The following LUZP2 variants were observed in gnomAD, a reference collection of about 807,000 sequenced individuals.
LUZP2 encodes the protein leucine zipper protein 2.
In LUZP2, 52 loss-of-function variants were observed where a neutral mutation model predicts 51.6. The observed-to-expected ratio is 1.01, with a 90% CI of 0.81 to 1.27. LUZP2 has a LOEUF of 1.27. Ranked by LOEUF, LUZP2 falls within the 50% of genes most tolerant of loss-of-function variation. The pLI is 0.00. For synonymous variants in LUZP2, 154 were observed against 137.3 expected, an observed-to-expected ratio of 1.12 and a Z score of -0.85; for missense variants, 436 against 395.4, an observed-to-expected ratio of 1.10 and a Z score of -0.87.
chr11:24,810,160 C>A (rs1849976778), intron 5 of LUZP2, among the ~76,000 whole-genome samples: 1 of 151,988 alleles, frequency 6.6e-6, no homozygotes, highest in Admixed American at 6.6e-5. Context: ...GAATTGGGAA[C>A]TATAGTTGTA....
intron 1 of LUZP2, among the ~76,000 whole-genome samples, chr11:24,595,333 T>C (rs536319781): frequency 6.6e-6 from 1 of 152,250 alleles, no homozygotes; most frequent in East Asian, 1.9e-4. Flanking sequence ...AAATGTCAGG[T>C]GTTCCAAGAA....
intron 5 of LUZP2, chr11:24,786,826 C>T (rs543933363): frequency 6.6e-6 from 1 of 151,028 alleles, no homozygotes; most frequent in East Asian, 2.0e-4. Context: ...CCTATGTTTT[C>T]TTTCAGGTAT....
intron 1 of LUZP2, among the ~76,000 whole-genome samples, chr11:24,693,758 T>C (rs1013699508): frequency 6.6e-6 from 1 of 151,978 alleles, no homozygotes; most frequent in Non-Finnish European, 1.5e-5. Flanking sequence ...ACATTATGCC[T>C]GTAAAATGGG....
chr11:25,028,218 G>A (rs535697116), intron 9 of LUZP2, among the ~76,000 whole-genome samples: 1 of 152,186 alleles, frequency 6.6e-6, no homozygotes, highest in South Asian at 2.1e-4. Flanking sequence ...AAACATTCCA[G>A]TTATAGTCTT....
At chr11:24,617,689 A>C (rs1854335422) in intron 1 of LUZP2, among the ~76,000 whole-genome samples, 1 of 151,830 alleles carries the variant, frequency 6.6e-6, no homozygotes, top group Admixed American at 6.6e-5. Flanking sequence ...GGCATAGTGG[A>C]GGGCACCTGT....
intron 10 of LUZP2, among the ~76,000 whole-genome samples, chr11:25,061,235 C>A: frequency 6.6e-6 from 1 of 152,156 alleles, no homozygotes; most frequent in South Asian, 2.1e-4. Flanking sequence ...ATTGTGTGTT[C>A]TTTTGCACAC....
At chr11:24,779,849 G>T (rs1205700556) in intron 5 of LUZP2, among the ~76,000 whole-genome samples, 1 of 152,142 alleles carries the variant, frequency 6.6e-6, no homozygotes, top group Admixed American at 6.6e-5. Context: ...ACATAGGGGA[G>T]GAATTGATAT....
intron 5 of LUZP2, among the ~76,000 whole-genome samples, chr11:24,793,338 T>C (rs1245921661): frequency 6.6e-6 from 1 of 152,182 alleles, no homozygotes; most frequent in Non-Finnish European, 1.5e-5. Context: ...TAAACAATTC[T>C]GGGTAATCCC....
At chr11:24,936,598 G>A (rs539974159) in intron 7 of LUZP2, among the ~76,000 whole-genome samples, 65 of 150,878 alleles carry the variant, frequency 4.3e-4, no homozygotes, top group African/African-American at 1.5e-3. Context: ...ATTCCTGATC[G>A]TAGCTGTTTT....
At chr11:24,679,015 C>A (rs1475049827) in intron 1 of LUZP2, among the ~76,000 whole-genome samples, 2 of 152,200 alleles carry the variant, frequency 1.3e-5, no homozygotes, top group Non-Finnish European at 2.9e-5. Context: ...TTTTTCATTT[C>A]TAACTTCTGA....
intron 5 of LUZP2, among the ~76,000 whole-genome samples, chr11:24,813,826 G>A (rs752056517): frequency 6.6e-6 from 1 of 152,146 alleles, no homozygotes; most frequent in African/African-American, 2.4e-5. Flanking sequence ...CTTCACCTGG[G>A]AGGCAGGATA....
intron 1 of LUZP2, among the ~76,000 whole-genome samples, chr11:24,723,460 A>T (rs2133955301): frequency 6.6e-6 from 1 of 152,362 alleles, no homozygotes; most frequent in East Asian, 1.9e-4. Flanking sequence ...AACTGGAAAA[A>T]GTCACAAGTG....
intron 1 of LUZP2, among the ~76,000 whole-genome samples, chr11:24,663,782 G>C (rs1382204325): frequency 6.6e-6 from 1 of 152,100 alleles, no homozygotes; most frequent in Admixed American, 6.6e-5. Context: ...TCTCGTGCTA[G>C]TAAGTTCTTA....
chr11:24,922,156 T>C (rs188842638), intron 7 of LUZP2, among the ~76,000 whole-genome samples: 2 of 152,276 alleles, frequency 1.3e-5, no homozygotes, highest in Admixed American at 1.3e-4. Context: ...TAGCATATGT[T>C]TATATCATTG....
intron 5 of LUZP2, among the ~76,000 whole-genome samples, chr11:24,816,470 C>T (rs1166397935): frequency 6.6e-6 from 1 of 151,896 alleles, no homozygotes; most frequent in Admixed American, 6.6e-5. Context: ...AATTTAGTGG[C>T]ACTTATGGAA....
At chr11:25,078,259 T>C (rs1031150641) in intron 11 of LUZP2, among the ~76,000 whole-genome samples, 2 of 152,252 alleles carry the variant, frequency 1.3e-5, no homozygotes, top group Non-Finnish European at 2.9e-5. Context: ...TGGAGTTAGA[T>C]TTAACTTATT....
At chr11:24,715,109 A>ACGT (rs1857986222) in intron 1 of LUZP2, among the ~76,000 whole-genome samples, 1 of 152,192 alleles carries the variant, frequency 6.6e-6, no homozygotes, top group African/African-American at 2.4e-5. Context: ...ATCTGGGCGT[A>ACGT]AGTGGACAGA....
At chr11:25,064,261 A>G (rs1858932364) in intron 10 of LUZP2, among the ~76,000 whole-genome samples, 2 of 151,984 alleles carry the variant, frequency 1.3e-5, no homozygotes, top group Non-Finnish European at 1.5e-5. Flanking sequence ...ATTCATATTT[A>G]AAACACCATT....
chr11:24,578,243 A>T (rs1310316690), intron 1 of LUZP2, among the ~76,000 whole-genome samples: 3 of 152,128 alleles, frequency 2.0e-5, no homozygotes, highest in Non-Finnish European at 4.4e-5. Context: ...CTTAATTTTA[A>T]GAAGCTTTCT....
Sources: gnomAD v4.1 joint callset for allele counts (sites outside exome capture counted in the v4.1 genomes callset) on GRCh38, gnomAD v4.1.1 for gene constraint, MANE v1.5 for transcripts, NCBI Gene and HGNC (gene_info 2026-07-23, HGNC 2026-07-21) for gene names.